The following ACTR3C variants were observed in gnomAD, a reference collection of about 807,000 sequenced individuals.
The protein encoded by ACTR3C is actin related protein 3C.
A neutral mutation model predicts 26.3 loss-of-function variants in ACTR3C; 18 were observed. That is an observed-to-expected ratio of 0.68 (90% CI 0.47 to 1.01). The LOEUF (loss-of-function observed/expected upper bound fraction) is 1.01, where lower values mean the gene tolerates loss of function less well. ACTR3C is among the 50% of genes least tolerant of loss of function. The probability of loss-of-function intolerance (pLI) is 0.00; values close to 1 mark genes in which losing one functional copy is unlikely to be tolerated. For missense variants in ACTR3C, 184 were observed against 250.7 expected, an observed-to-expected ratio of 0.73 and a Z score of 1.80; for synonymous variants, 55 against 94.5, an observed-to-expected ratio of 0.58 and a Z score of 2.42.
chr7:150,192,978 C>T, the ACTR3C span, among the ~76,000 whole-genome samples: 2 of 152,172 alleles, frequency 1.3e-5, no homozygotes, highest in African/African-American at 4.8e-5. Context: ...TGTATTGTAC[C>T]TTCCGGTGAA....
chr7:149,890,153 A>G, the ACTR3C span, among the ~76,000 whole-genome samples: 3 of 152,260 alleles, frequency 2.0e-5, no homozygotes, highest in African/African-American at 7.2e-5. Context: ...AAAGAATTTT[A>G]TAATTGGATC....
chr7:149,972,065 C>T, the ACTR3C span, among the ~76,000 whole-genome samples: 1 of 152,180 alleles, frequency 6.6e-6, no homozygotes, highest in African/African-American at 2.4e-5. Flanking sequence ...TATTTCTAGT[C>T]CAGGCCATTT....
the ACTR3C span, among the ~76,000 whole-genome samples, chr7:150,204,422 A>G: frequency 3.2e-4 from 48 of 149,788 alleles, no homozygotes; most frequent in Non-Finnish European, 4.0e-4. Flanking sequence ...AAGAGGGTAA[A>G]GACAGGAAGT....
chr7:149,913,311 C>T, the ACTR3C span, among the ~76,000 whole-genome samples: 3 of 152,102 alleles, frequency 2.0e-5, no homozygotes, highest in Non-Finnish European at 2.9e-5. Context: ...AAAAAAGAAA[C>T]GTTCCCTATT....
chr7:150,031,111 G>T, the ACTR3C span, among the ~76,000 whole-genome samples: 1 of 151,932 alleles, frequency 6.6e-6, no homozygotes, highest in African/African-American at 2.4e-5. Flanking sequence ...ACAAAAATTA[G>T]CCAGGCATGC....
the ACTR3C span, among the ~76,000 whole-genome samples, chr7:149,985,221 C>CACAT: frequency 5.6e-4 from 78 of 140,348 alleles, no homozygotes; most frequent in African/African-American, 1.8e-3. Flanking sequence ...CACACACACA[C>CACAT]ACACACACAC....
chr7:150,149,213 C>A, the ACTR3C span, among the ~76,000 whole-genome samples: 1 of 150,236 alleles, frequency 6.7e-6, no homozygotes, highest in African/African-American at 2.4e-5. Flanking sequence ...CTTTTCCTCA[C>A]TGATTTGTAG....
chr7:150,093,213 T>A, the ACTR3C span, among the ~76,000 whole-genome samples: 8 of 151,036 alleles, frequency 5.3e-5, no homozygotes, highest in Non-Finnish European at 7.4e-5. Flanking sequence ...GAGAATTTTT[T>A]AAAAAATGTA....
chr7:150,025,537 G>A, the ACTR3C span, among the ~76,000 whole-genome samples: 1 of 152,010 alleles, frequency 6.6e-6, no homozygotes, highest in African/African-American at 2.4e-5. Context: ...TAAGACAACG[G>A]TGTCCTCTTT....
chr7:150,289,694 T>C, intron 3 of ACTR3C, 101 bp from the exon 4 acceptor site: 1 of 1,552,504 alleles, frequency 6.4e-7, no homozygotes, highest in Non-Finnish European at 8.7e-7. Context: ...TGTCTGCCCC[T>C]CACGGCACTG....
At chr7:150,039,785 A>C in the ACTR3C span, among the ~76,000 whole-genome samples, 8 of 128,280 alleles carry the variant, frequency 6.2e-5, no homozygotes, top group African/African-American at 2.1e-4. Context: ...CCAGGGGGGG[A>C]AGAGGGACTG....
At chr7:150,036,086 C>G in the ACTR3C span, among the ~76,000 whole-genome samples, 13 of 132,956 alleles carry the variant, frequency 9.8e-5, no homozygotes, top group South Asian at 3.1e-3. Context: ...GGTGCTCCCC[C>G]CCCTGCGATG....
the ACTR3C span, among the ~76,000 whole-genome samples, chr7:150,148,346 ATG>A: frequency 3.9e-5 from 6 of 152,002 alleles, no homozygotes; most frequent in Non-Finnish European, 4.4e-5. Flanking sequence ...GCGTGGTGGC[ATG>A]CACCTGTAAT....
At chr7:150,257,708 T>A (rs1315767029) in intron 6 of ACTR3C, among the ~76,000 whole-genome samples, 4 of 152,160 alleles carry the variant, frequency 2.6e-5, no homozygotes, top group Non-Finnish European at 5.9e-5. Context: ...AATTGCCCTG[T>A]CAGAAGCCAG....
the ACTR3C span, among the ~76,000 whole-genome samples, chr7:150,209,849 G>T: frequency 6.6e-6 from 1 of 150,690 alleles, no homozygotes; most frequent in East Asian, 1.9e-4. Flanking sequence ...AGCCCAGGAG[G>T]TGGAGGTTGC....
intron 2 of ACTR3C, 56 bp from the exon 3 acceptor site, chr7:150,293,475 G>C (rs947273206): frequency 6.6e-7 from 1 of 1,510,930 alleles, no homozygotes; most frequent in African/African-American, 1.4e-5. Context: ...AAAGCCACCT[G>C]CCTGCTCCTT....
chr7:150,035,398 T>G, the ACTR3C span, among the ~76,000 whole-genome samples: 2 of 33,182 alleles, frequency 6.0e-5, no homozygotes, highest in Admixed American at 3.0e-4. Context: ...ATGGGGGTCC[T>G]AAGATCCAGG....
the ACTR3C span, among the ~76,000 whole-genome samples, chr7:150,048,091 G>A: frequency 4.6e-5 from 7 of 151,686 alleles, no homozygotes; most frequent in African/African-American, 1.7e-4. Context: ...CGAAGCCGGG[G>A]CTCTGGCTGT....
chr7:149,919,155 T>G, the ACTR3C span, among the ~76,000 whole-genome samples: 1 of 106,078 alleles, frequency 9.4e-6, no homozygotes, highest in African/African-American at 3.9e-5. Context: ...ATTAAACCCT[T>G]GTTTCATTTA....
Sources: gnomAD v4.1 joint callset for allele counts (sites outside exome capture counted in the v4.1 genomes callset) on GRCh38, gnomAD v4.1.1 for gene constraint, MANE v1.5 for transcripts, NCBI Gene and HGNC (gene_info 2026-07-23, HGNC 2026-07-21) for gene names.